Variants in UBN2 observed in about 807,000 individuals in gnomAD.
UBN2 encodes ubinuclein-2.
Under a neutral mutation model 120.2 loss-of-function variants are expected in UBN2, and 35 were observed. The ratio of observed to expected loss-of-function variants is 0.29; its 90% CI spans 0.22 to 0.39. UBN2 has a LOEUF of 0.39. Ranked by LOEUF, UBN2 falls within the 10% of genes least tolerant of loss-of-function variation. The probability of loss-of-function intolerance (pLI) is 1.00; values close to 1 mark genes in which losing one functional copy is unlikely to be tolerated. For missense variants in UBN2, 1,693 were observed against 1,663.2 expected, an observed-to-expected ratio of 1.02 and a Z score of -0.31; for synonymous variants, 661 against 648.7, an observed-to-expected ratio of 1.02 and a Z score of -0.29.
At chr7:139,242,130 A>C (rs951045815) in intron 2 of UBN2, among the ~76,000 whole-genome samples, 2 of 152,212 alleles carry the variant, frequency 1.3e-5, no homozygotes, top group African/African-American at 2.4e-5. Context: ...AGTAAATACT[A>C]CTCGGCTAAG....
chr7:139,318,628 TG>T, the UBN2 span, among the ~76,000 whole-genome samples: 40 of 152,238 alleles, frequency 2.6e-4, no homozygotes, highest in Admixed American at 1.2e-3. Flanking sequence ...CCCAAATAGT[TG>T]GGACTACAGG....
chr7:139,231,526 G>A lies in UBN2; in HGVS notation c.42G>A (p.Pro14=). ...PRRVAFISLS[P]VRRREAEYPG... ...GAGTAGCGTTCATTAGCTTGTCACC[G>A]GTGCGGCGGCGCGAGGCCGAGTACC... Residue 14 remains proline, a synonymous_variant, in exon 1 of 18, where the codon CCG becomes CCA. Coordinates refer to ENST00000473989, the MANE Select transcript of UBN2 (RefSeq NM_173569.4). The A allele has an allele frequency of 1.4e-6, 2 of 1,418,762 alleles. No individual in the cohort carries two copies. Among genetic ancestry groups the A allele is most frequent in the Non-Finnish European group, 1.9e-6 (2 of 1,078,566 alleles). 87.9% of individuals were successfully genotyped at this position (1,418,762 alleles called of 1,614,324 possible).
At position 139,298,850 on chromosome 7, in the gene UBN2, G is replaced by A; in HGVS notation, c.*1014G>A. The A allele has an allele frequency of 6.6e-6, 1 of 151,992 alleles. No individual in the cohort carries two copies. Among genetic ancestry groups the A allele is most frequent in the East Asian group, 1.9e-4 (1 of 5,194 alleles). 9.4% of individuals were successfully genotyped at this position (151,992 alleles called of 1,614,324 possible). A position where few individuals can be genotyped will look rare whatever the true frequency, so the allele number is the denominator to read the frequency against. On this transcript the variant is annotated 3_prime_UTR_variant, in exon 18 of 18. Coordinates refer to ENST00000473989, the MANE Select transcript of UBN2 (RefSeq NM_173569.4). Reference sequence around the variant, plus strand: ...TCCTTCAGGTGATTATTAGCTATTGGTATAAACAGGTAGAAGTGTACACTA... The same window carrying A: ...TCCTTCAGGTGATTATTAGCTATTGATATAAACAGGTAGAAGTGTACACTA...
intron 7 of UBN2, 27 bp downstream of exon 7, chr7:139,266,430 ACCTTAAGAATGATACATT>A: frequency 3.0e-6 from 4 of 1,336,154 alleles, no homozygotes; most frequent in Non-Finnish European, 4.2e-6. Context: ...AAAAAAAAAA[ACCTTAAGAATGATACATT>A]AAAAAATGTA....
chr7:139,279,500 A>G (rs1585019007), intron 13 of UBN2, 140 bp downstream of exon 13: 1 of 619,658 alleles, frequency 1.6e-6, no homozygotes. Flanking sequence ...TAATAATCTT[A>G]GTACTTTTGT....
chr7:139,247,871 A>G lies in UBN2; in HGVS notation c.562-4085A>G, dbSNP rs1309946761. Among the ~76,000 whole-genome samples, 6 of 152,174 alleles carry G rather than the reference A, an allele frequency of 3.9e-5. 1 individual carries two copies. The highest frequency in any genetic ancestry group is 8.8e-5 in the Non-Finnish European group (6 of 68,030). On this transcript the variant is annotated intron_variant, in intron 2 of 17. Coordinates refer to ENST00000473989, the MANE Select transcript of UBN2 (RefSeq NM_173569.4). ...GTCCTTGTCTGGGTATGAATATCTT[A>G]GGAAGAAACCTTGATGAGGTCCTCT... is the stretch of plus-strand genomic sequence containing the variant.
intron 10 of UBN2, 101 bp from the exon 11 acceptor site, chr7:139,273,830 A>G (rs1563217926): frequency 9.8e-7 from 1 of 1,021,496 alleles, no homozygotes; most frequent in African/African-American, 1.7e-5. Flanking sequence ...TATGTTAGAA[A>G]TTGTTTGTTA....
chr7:139,239,614 A>G (rs986170666), intron 2 of UBN2, among the ~76,000 whole-genome samples: 1 of 141,488 alleles, frequency 7.1e-6, no homozygotes, highest in Admixed American at 7.3e-5. Context: ...CTGGAGTGCA[A>G]TGGCGCTATC....
the UBN2 span, among the ~76,000 whole-genome samples, chr7:139,316,779 G>GTGTA: frequency 4.6e-5 from 7 of 151,610 alleles, no homozygotes; most frequent in African/African-American, 1.7e-4. Context: ...GTGTGTGTGT[G>GTGTA]TATATATATA....
chr7:139,298,058 T>A lies in UBN2; in HGVS notation c.*222T>A. 2.0e-6 allele frequency: 1 copy of A among 500,448 alleles called. No homozygotes were observed. The allele number at this position is 500,448 out of a possible 1,614,324, so 31.0% of individuals were successfully genotyped here. A position where few individuals can be genotyped will look rare whatever the true frequency, so the allele number is the denominator to read the frequency against. Reference sequence around the variant, plus strand: ...TGCAAAGTTAGTGACCTTTGGTCTCTTCTAAAGAATGACAGAGTTACCGTA... The same window carrying A: ...TGCAAAGTTAGTGACCTTTGGTCTCATCTAAAGAATGACAGAGTTACCGTA... On this transcript the variant is annotated 3_prime_UTR_variant, in exon 18 of 18. Coordinates refer to ENST00000473989, the MANE Select transcript of UBN2 (RefSeq NM_173569.4).
At chr7:139,232,040 A>G (rs1446860855) in intron 1 of UBN2, 88 bp downstream of exon 1, 6 of 1,344,524 alleles carry the variant, frequency 4.5e-6, no homozygotes, top group Admixed American at 4.2e-5. Flanking sequence ...TGGGACGCCC[A>G]CCGAGCGCGT....
At position 139,261,630 on chromosome 7, in the gene UBN2, T is replaced by C. The variant is rs753096252; in HGVS notation, c.1284T>C (p.Asn428=). 6.8e-6 allele frequency: 11 copies of C among 1,614,184 alleles called. No individual in the cohort carries two copies. The highest frequency in any genetic ancestry group is 9.3e-6 in the Non-Finnish European group (11 of 1,180,024). Residue 428 remains asparagine (N), a synonymous_variant, in exon 6 of 18, where the codon AAT becomes AAC. Coordinates refer to ENST00000473989, the MANE Select transcript of UBN2 (RefSeq NM_173569.4). ...GSPLSESGGE[N]GTTTQPTYTS... Reference sequence around the variant, plus strand: ...CCCTATCTGAGTCGGGGGGTGAAAATGGAACCACCACCCAGCCAACCTACA... The same window carrying C: ...CCCTATCTGAGTCGGGGGGTGAAAACGGAACCACCACCCAGCCAACCTACA...
the UBN2 span, among the ~76,000 whole-genome samples, chr7:139,319,057 C>G: frequency 6.6e-6 from 1 of 151,876 alleles, no homozygotes; most frequent in Non-Finnish European, 1.5e-5. Context: ...ATGCAAGAGT[C>G]TTTTGTTGTT....
intron 3 of UBN2, among the ~76,000 whole-genome samples, chr7:139,254,249 C>T (rs1188887986): frequency 4.6e-5 from 7 of 151,950 alleles, no homozygotes; most frequent in African/African-American, 9.7e-5. Context: ...GCCGAGATCG[C>T]GCCACTGTAC....
the UBN2 span, among the ~76,000 whole-genome samples, chr7:139,324,828 C>T: frequency 3.3e-5 from 5 of 151,356 alleles, no homozygotes; most frequent in East Asian, 3.9e-4. Context: ...AAAATTAGCC[C>T]GGTGCAGTGG....
In UBN2 at chr7:139,261,423, A is replaced by G. The variant is rs1395961662; in HGVS notation, c.1077A>G (p.Pro359=). 6.2e-7 allele frequency: 1 copy of G among 1,614,202 alleles called. No individual in the cohort carries two copies. The highest frequency in any genetic ancestry group is 8.5e-7 in the Non-Finnish European group (1 of 1,180,028). The change falls in exon 6 of 18, where the codon CCA becomes CCG. Residue 359 remains proline (P), a synonymous_variant. Transcript: ENST00000473989. ...TLSTPSLNKP[P]CAAAALGNDV... Reference sequence around the variant, plus strand: ...CAACCCCTTCTCTGAATAAACCCCCATGTGCTGCTGCAGCACTGGGGAATG... The same window carrying G: ...CAACCCCTTCTCTGAATAAACCCCCGTGTGCTGCTGCAGCACTGGGGAATG...
At chr7:139,239,708 C>A (rs921388954) in intron 2 of UBN2, among the ~76,000 whole-genome samples, 2 of 152,056 alleles carry the variant, frequency 1.3e-5, no homozygotes, top group African/African-American at 4.8e-5. Flanking sequence ...CAGGCATGCA[C>A]CACCATGCCC....
At chr7:139,314,115 T>C in the UBN2 span, among the ~76,000 whole-genome samples, 1 of 150,534 alleles carries the variant, frequency 6.6e-6, no homozygotes, top group Non-Finnish European at 1.5e-5. Context: ...CCCAAAGTGC[T>C]GGGATTACAG....
Position 139,293,748 on chromosome 7 carries a change from A to G in UBN2, c.3902-141A>G, listed in dbSNP as rs150880877. On this transcript the variant is annotated intron_variant, in intron 16 of 17. Transcript: ENST00000473989. ...CATACACATACATTAACATAAGTAA[A>G]TTTTCAAAAACGTGCTCTAGTTTTA... 8.5e-4 allele frequency: 637 copies of G among 745,962 alleles called. 5 individuals are homozygous for G. The African/African-American group carries it at 1.0e-2, about 12-fold the overall frequency. 46.2% of individuals were successfully genotyped at this position (745,962 alleles called of 1,614,324 possible).
Sources: gnomAD v4.1 joint callset for allele counts (sites outside exome capture counted in the v4.1 genomes callset) on GRCh38, gnomAD v4.1.1 for gene constraint, MANE v1.5 for transcripts, NCBI Gene and HGNC (gene_info 2026-07-23, HGNC 2026-07-21) for gene names.